Variants in FRAS1 observed in about 807,000 individuals in gnomAD.
FRAS1 encodes the protein Fraser extracellular matrix complex subunit 1, also known as extracellular matrix organizing protein FRAS1.
A neutral mutation model predicts 435.2 loss-of-function variants in FRAS1; 290 were observed. The observed-to-expected ratio is 0.67, with a 90% CI of 0.61 to 0.73. The LOEUF (loss-of-function observed/expected upper bound fraction) is 0.73, where lower values mean the gene tolerates loss of function less well. Among genes scored for constraint, FRAS1 ranks in the 30% least tolerant of loss-of-function variants. FRAS1 has a pLI of 0.00. For missense variants in FRAS1, 4,860 were observed against 5,001.5 expected, an observed-to-expected ratio of 0.97 and a Z score of 0.85; for synonymous variants, 1,800 against 1,851.0, an observed-to-expected ratio of 0.97 and a Z score of 0.71.
intron 40 of FRAS1, among the ~76,000 whole-genome samples, chr4:78,440,600 A>G (rs1734622244): frequency 6.6e-6 from 1 of 152,252 alleles, no homozygotes; most frequent in Non-Finnish European, 1.5e-5. Context: ...AGTTTGAGCA[A>G]CTGCTTTTAC....
chr4:78,076,630 A>G (rs1453895746), intron 2 of FRAS1, among the ~76,000 whole-genome samples: 2 of 152,104 alleles, frequency 1.3e-5, no homozygotes, highest in Admixed American at 1.3e-4. Context: ...TCTAAAATAT[A>G]TTTTTTAAAA....
At chr4:78,292,555 G>C (rs866915524) in intron 14 of FRAS1, among the ~76,000 whole-genome samples, 17 of 152,300 alleles carry the variant, frequency 1.1e-4, no homozygotes, top group Middle Eastern at 3.4e-3. Flanking sequence ...ACCTTGCAAA[G>C]CCAGGTCCAA....
chr4:78,223,879 T>C (rs1321161606), intron 2 of FRAS1, among the ~76,000 whole-genome samples: 1 of 152,228 alleles, frequency 6.6e-6, no homozygotes, highest in Non-Finnish European at 1.5e-5. Context: ...TCTTATACAC[T>C]TCCTATTTGC....
chr4:78,298,223 T>C (rs559208282), intron 14 of FRAS1, among the ~76,000 whole-genome samples: 1 of 149,404 alleles, frequency 6.7e-6, no homozygotes. Flanking sequence ...AAATATAAGG[T>C]GTATTAAACA....
chr4:78,298,030 CTATATA>C (rs61446216), intron 14 of FRAS1, among the ~76,000 whole-genome samples: 1,268 of 104,038 alleles, frequency 0.012, 7 homozygotes, highest in East Asian at 0.027. Flanking sequence ...CTCTCTCTCT[CTATATA>C]TATATATATA....
intron 59 of FRAS1, 151 bp from the exon 60 acceptor site, chr4:78,496,654 G>A: frequency 1.3e-6 from 1 of 772,706 alleles, no homozygotes; most frequent in Non-Finnish European, 2.1e-6. Context: ...TGTTAAATTT[G>A]AACATTTTGT....
chr4:78,247,526 CCT>C (rs1410741307), intron 4 of FRAS1, among the ~76,000 whole-genome samples: 2 of 151,994 alleles, frequency 1.3e-5, no homozygotes, highest in Non-Finnish European at 2.9e-5. Flanking sequence ...TTCTGTCCTT[CCT>C]CTCTTTCTTT....
At chr4:78,424,145 C>T (rs1466533823) in intron 34 of FRAS1, among the ~76,000 whole-genome samples, 5 of 152,164 alleles carry the variant, frequency 3.3e-5, no homozygotes, top group Admixed American at 6.5e-5. Context: ...TTATAAATCA[C>T]GCTAACTGCT....
At chr4:78,377,701 C>CA (rs1229750757) in intron 26 of FRAS1, among the ~76,000 whole-genome samples, 1 of 152,186 alleles carries the variant, frequency 6.6e-6, no homozygotes, top group East Asian at 1.9e-4. Flanking sequence ...GAAATGGTAG[C>CA]AAACACCAGC....
intron 56 of FRAS1, among the ~76,000 whole-genome samples, chr4:78,480,501 G>A (rs1348325570): frequency 1.3e-5 from 2 of 152,204 alleles, no homozygotes; most frequent in Non-Finnish European, 2.9e-5. Context: ...GGAGGGCCTG[G>A]CACTGAGCAT....
chr4:78,382,795 CTT>C, intron 27 of FRAS1, among the ~76,000 whole-genome samples: 1 of 152,312 alleles, frequency 6.6e-6, no homozygotes, highest in South Asian at 2.1e-4. Context: ...CCCCAAAAGT[CTT>C]TTTATAGTTG....
At chr4:78,174,151 C>T (rs1482880268) in intron 2 of FRAS1, among the ~76,000 whole-genome samples, 2 of 152,188 alleles carry the variant, frequency 1.3e-5, no homozygotes, top group African/African-American at 4.8e-5. Context: ...GAATGAGCCT[C>T]ATGTTTCCCA....
chr4:78,253,978 T>TTTGTCTTTAC (rs1462768152), intron 5 of FRAS1, among the ~76,000 whole-genome samples: 4 of 72,444 alleles, frequency 5.5e-5, no homozygotes, highest in East Asian at 4.3e-4. Flanking sequence ...AAGCATGCCT[T>TTTGTCTTTAC]TTATTTGTCT....
chr4:78,314,131 T>C (rs1226065208), intron 15 of FRAS1, among the ~76,000 whole-genome samples: 2 of 152,160 alleles, frequency 1.3e-5, no homozygotes, highest in East Asian at 3.8e-4. Flanking sequence ...ATGCTGATGC[T>C]ACCCAGGTCC....
intron 49 of FRAS1, among the ~76,000 whole-genome samples, chr4:78,465,951 CT>C (rs1270426225): frequency 6.6e-6 from 1 of 152,164 alleles, no homozygotes; most frequent in Non-Finnish European, 1.5e-5. Flanking sequence ...AAAATTCAGG[CT>C]TTCCCCCATG....
At chr4:78,449,566 C>T (rs1718954876) in intron 44 of FRAS1, among the ~76,000 whole-genome samples, 1 of 151,930 alleles carries the variant, frequency 6.6e-6, no homozygotes, top group African/African-American at 2.4e-5. Flanking sequence ...GTGACAAGAC[C>T]CTGAGAAGAG....
chr4:78,215,255 G>A (rs1195334544), intron 2 of FRAS1, among the ~76,000 whole-genome samples: 3 of 151,916 alleles, frequency 2.0e-5, no homozygotes, highest in Non-Finnish European at 4.4e-5. Flanking sequence ...GAGTGCAATG[G>A]TGTGATCTCT....
At chr4:78,144,185 A>G (rs970408597) in intron 2 of FRAS1, among the ~76,000 whole-genome samples, 3 of 152,082 alleles carry the variant, frequency 2.0e-5, no homozygotes, top group East Asian at 1.9e-4. Flanking sequence ...TCAAGAAGAA[A>G]AAAAGAATGA....
chr4:78,537,163 A>C lies in FRAS1; in HGVS notation c.11261A>C (p.Gln3754Pro). The C allele has an allele frequency of 6.2e-7, 1 of 1,614,032 alleles. No individual in the cohort carries two copies. The highest frequency in any genetic ancestry group is 8.5e-7 in the Non-Finnish European group (1 of 1,179,888). ...YNEGPQYGCIQPNKHLKHRFL... is the reference protein window; with the variant it reads ...YNEGPQYGCIPPNKHLKHRFL... Reference sequence around the variant, plus strand: ...GAAGGGCCCCAGTATGGATGCATTCAGCCAAACAAACACCTAAAACACAGA... The same window carrying C: ...GAAGGGCCCCAGTATGGATGCATTCCGCCAAACAAACACCTAAAACACAGA... Residue 3754 changes from glutamine (Q) to proline (P), a missense_variant, in exon 72 of 74, where the codon CAG (glutamine) becomes CCG (proline). Coordinates refer to ENST00000512123, the MANE Select transcript of FRAS1 (RefSeq NM_025074.7).
Sources: gnomAD v4.1 joint callset for allele counts (sites outside exome capture counted in the v4.1 genomes callset) on GRCh38, gnomAD v4.1.1 for gene constraint, MANE v1.5 for transcripts, NCBI Gene and HGNC (gene_info 2026-07-23, HGNC 2026-07-21) for gene names.